FNIP1: variants seen among roughly 807,000 people sequenced by gnomAD.
FNIP1 encodes folliculin-interacting protein 1.
Under a neutral mutation model 124.5 loss-of-function variants are expected in FNIP1, and 40 were observed. That is an observed-to-expected ratio of 0.32 (90% CI 0.25 to 0.42). The LOEUF (loss-of-function observed/expected upper bound fraction) is 0.42, where lower values mean the gene tolerates loss of function less well. FNIP1 is among the 10% of genes least tolerant of loss of function. FNIP1 has a pLI of 1.00. For synonymous variants in FNIP1, 472 were observed against 470.6 expected (o/e 1.00, Z -0.04); for missense variants, 1,176 against 1,403.7 (o/e 0.84, Z 2.59).
At chr5:131,709,340 T>A in intron 7 of FNIP1, 68 bp from the exon 8 acceptor site, 1 of 1,349,166 alleles carries the variant, frequency 7.4e-7, no homozygotes, top group Non-Finnish European at 1.1e-6. Context: ...CAGCTCCTTT[T>A]AAATAGCAAA....
intron 1 of FNIP1, among the ~76,000 whole-genome samples, chr5:131,774,079 T>C (rs541310264): frequency 1.3e-5 from 2 of 152,316 alleles, no homozygotes; most frequent in African/African-American, 2.4e-5. Flanking sequence ...CAAGCTGGAG[T>C]GCAGTGACGT....
chr5:131,668,316 C>A (rs939815239), intron 15 of FNIP1, among the ~76,000 whole-genome samples: 7 of 152,168 alleles, frequency 4.6e-5, no homozygotes, highest in African/African-American at 1.7e-4. Context: ...CTAAATAACT[C>A]ATAAGTCAAA....
At position 131,672,135 on chromosome 5, in the gene FNIP1, T is replaced by C; in HGVS notation, c.2309A>G (p.Gln770Arg). ...TCTGGTAATCTGATCCACCACTGCC[T>C]GACTTCGAAGCTCAGTATCTGAATC... ...SPDSDTELRS[Q>R]AVVDQITRHH... The change falls in exon 14 of 18, where the codon CAG becomes CGG. Residue 770 changes from glutamine to arginine, a missense_variant. Gln to Arg is a conservative substitution (Grantham distance 43). Coordinates refer to ENST00000510461, the MANE Select transcript of FNIP1 (RefSeq NM_133372.3). 1 of 1,614,212 alleles carries C rather than the reference T, an allele frequency of 6.2e-7. No individual in the cohort carries two copies. Among genetic ancestry groups the C allele is most frequent in the South Asian group, 1.1e-5 (1 of 91,086 alleles).
At position 131,696,459 on chromosome 5, in the gene FNIP1, T is replaced by G. The variant is rs548573876; in HGVS notation, c.1202+2458A>C. Among the ~76,000 whole-genome samples the G allele has an allele frequency of 1.3e-4, 20 of 152,240 alleles. No homozygotes were observed. The East Asian group carries it at 3.9e-3, about 29-fold the overall frequency. On this transcript the variant is annotated intron_variant, in intron 11 of 17. Coordinates refer to ENST00000510461, the MANE Select transcript of FNIP1 (RefSeq NM_133372.3). The stretch of plus-strand genomic sequence containing the variant: ...CCAGTAAACTAAAAAAAACCCACAC[T>G]GATTACCGTATCACTAGAGTTTCAG...
Position 131,672,004 on chromosome 5 carries a change from C to T in FNIP1, c.2440G>A (p.Val814Ile). 6.2e-7 allele frequency: 1 copy of T among 1,614,172 alleles called. No homozygotes were observed. Among genetic ancestry groups the T allele is most frequent in the South Asian group, 1.1e-5 (1 of 91,082 alleles). Residue 814 changes from valine to isoleucine, a missense_variant, in exon 14 of 18, where the codon GTT (valine) becomes ATT (isoleucine). By Grantham distance (29) the Val-to-Ile change is conservative. Around this residue, in one of 2 missense-constraint regions of FNIP1, gnomAD observed 1,109 missense variants for 1,288.5 expected, o/e 0.86. Transcript: ENST00000510461. ...QSGESDTQNM[V>I]SEEPCELPCW... is the part of the protein sequence containing the mutation. Reference sequence around the variant, plus strand: ...GGAAGTTCACAGGGCTCTTCAGAAACCATGTTCTGTGTATCAGACTCTCCA... The same window carrying T: ...GGAAGTTCACAGGGCTCTTCAGAAATCATGTTCTGTGTATCAGACTCTCCA...
intron 15 of FNIP1, among the ~76,000 whole-genome samples, chr5:131,667,569 G>GT (rs1318817636): frequency 8.9e-6 from 1 of 112,254 alleles, no homozygotes; most frequent in African/African-American, 2.7e-5. Context: ...CTTCACTTCT[G>GT]TTTTTTTGTT....
chr5:131,720,566 A>C (rs1769624533), intron 3 of FNIP1, among the ~76,000 whole-genome samples: 1 of 152,166 alleles, frequency 6.6e-6, no homozygotes, highest in Admixed American at 6.5e-5. Context: ...AAAATATGGA[A>C]TGGGAAAAGA....
At chr5:131,739,194 T>C (rs1770422196) in intron 2 of FNIP1, among the ~76,000 whole-genome samples, 1 of 152,206 alleles carries the variant, frequency 6.6e-6, no homozygotes, top group Non-Finnish European at 1.5e-5. Flanking sequence ...TTTATATTTT[T>C]ATATTTAAAT....
rs1766914080 is a variant in FNIP1, at chr5:131,647,281, A to G, written c.3307-76T>C. ...TCAGTCATGGCAAACTCCAAAACAT[A>G]ATGTTTTTGACAATTCTGTTTGTTT... is the stretch of plus-strand genomic sequence containing the variant. On this transcript the variant is annotated intron_variant, in intron 16 of 17. Coordinates refer to ENST00000510461, the MANE Select transcript of FNIP1 (RefSeq NM_133372.3). 7 of 1,021,218 alleles carry G rather than the reference A, an allele frequency of 6.9e-6. No homozygotes were observed. The East Asian group carries it at 1.7e-4, about 24-fold the overall frequency. 63.3% of individuals were successfully genotyped at this position (1,021,218 alleles called of 1,614,324 possible). A position where few individuals can be genotyped will look rare whatever the true frequency, so the allele number is the denominator to read the frequency against.
chr5:131,719,498 C>T, intron 3 of FNIP1, 81 bp from the exon 4 acceptor site: 1 of 1,273,722 alleles, frequency 7.9e-7, no homozygotes, highest in South Asian at 1.4e-5. Flanking sequence ...ATTAAAAATT[C>T]TTGATATAGT....
intron 2 of FNIP1, 45 bp from the exon 3 acceptor site, chr5:131,731,083 C>A: frequency 6.5e-7 from 1 of 1,546,984 alleles, no homozygotes; most frequent in Non-Finnish European, 8.7e-7. Flanking sequence ...AGATTTTTAA[C>A]CATATACAAA....
intron 1 of FNIP1, among the ~76,000 whole-genome samples, chr5:131,754,942 C>T (rs1770993927): frequency 6.6e-6 from 1 of 152,146 alleles, no homozygotes; most frequent in Admixed American, 6.5e-5. Flanking sequence ...GACCTGAAGA[C>T]TATATGGGGA....
At chr5:131,766,564 T>G (rs996101360) in intron 1 of FNIP1, among the ~76,000 whole-genome samples, 1 of 152,114 alleles carries the variant, frequency 6.6e-6, no homozygotes, top group Admixed American at 6.5e-5. Context: ...AGAATATATA[T>G]ACAGATATAT....
At chr5:131,794,177 A>G in intron 1 of FNIP1, among the ~76,000 whole-genome samples, 1 of 142,760 alleles carries the variant, frequency 7.0e-6, no homozygotes, top group South Asian at 2.3e-4. Context: ...GGCTGCAATG[A>G]GCCTTGATTG....
In FNIP1 at chr5:131,731,001, T is replaced by C. The variant is rs763295414; in HGVS notation, c.257A>G (p.Lys86Arg). The C allele has an allele frequency of 2.5e-6, 4 of 1,613,238 alleles. No individual in the cohort carries two copies. Among genetic ancestry groups the C allele is most frequent in the Non-Finnish European group, 3.4e-6 (4 of 1,179,642 alleles). ...GSDAQVKVFG[K>R]CCQLKPGGDS... is the part of the protein sequence containing the mutation. ...TCCTCCAGGTTTCAGTTGGCAGCAT[T>C]TCCCAAAGACTTTAACTTGAGCATC... is the stretch of plus-strand genomic sequence containing the variant. Residue 86 changes from lysine to arginine, a missense_variant, in exon 3 of 18, where the codon AAA (lysine) becomes AGA (arginine). Coordinates refer to ENST00000510461, the MANE Select transcript of FNIP1 (RefSeq NM_133372.3).
chr5:131,734,494 A>G (rs1307602920), intron 2 of FNIP1, among the ~76,000 whole-genome samples: 6 of 152,232 alleles, frequency 3.9e-5, no homozygotes, highest in Non-Finnish European at 8.8e-5. Flanking sequence ...TTGGCACAGC[A>G]AAAGAAACTA....
At chr5:131,662,801 A>G (rs999385806) in intron 15 of FNIP1, among the ~76,000 whole-genome samples, 1 of 136,694 alleles carries the variant, frequency 7.3e-6, no homozygotes, top group Admixed American at 8.3e-5. Context: ...GTACAGTGGC[A>G]CGATCTTGGC....
chr5:131,656,758 T>C lies in FNIP1; in HGVS notation c.3109-4759A>G, dbSNP rs185487262. On this transcript the variant is annotated intron_variant, in intron 15 of 17. Transcript: ENST00000510461. ...TATTGCTGATGAAAGAATCCTATTATGGAAAAAGATGCCACAAAGTACATT... is the reference window on the plus strand; with the variant it reads ...TATTGCTGATGAAAGAATCCTATTACGGAAAAAGATGCCACAAAGTACATT... 2.0e-4 allele frequency among the ~76,000 whole-genome samples: 30 copies of C among 152,128 alleles called. No individual in the cohort carries two copies. In the East Asian group the frequency reaches 5.0e-3, roughly 25 times the overall value.
chr5:131,705,153 A>T (rs1166777826), intron 9 of FNIP1, among the ~76,000 whole-genome samples: 1 of 152,172 alleles, frequency 6.6e-6, no homozygotes, highest in Non-Finnish European at 1.5e-5. Flanking sequence ...CAAAAAAGAT[A>T]TACAAATAGC....
Sources: gnomAD v4.1 joint callset for allele counts (sites outside exome capture counted in the v4.1 genomes callset) on GRCh38, gnomAD v4.1.1 for gene constraint, gnomAD v4.1.1 regional missense constraint, MANE v1.5 for transcripts, NCBI Gene and HGNC (gene_info 2026-07-23, HGNC 2026-07-21) for gene names.